RNF157: variants seen among roughly 807,000 people sequenced by gnomAD.
The protein encoded by RNF157 is ring finger protein 157, also known as E3 ubiquitin ligase RNF157.
In RNF157, 55 loss-of-function variants were observed where a neutral mutation model predicts 88.3. The ratio of observed to expected loss-of-function variants is 0.62; its 90% CI spans 0.50 to 0.78. RNF157 has a LOEUF of 0.78. RNF157 is among the 30% of genes least tolerant of loss of function. The probability of loss-of-function intolerance (pLI) is 0.00; values close to 1 mark genes in which losing one functional copy is unlikely to be tolerated. For missense variants in RNF157, 788 were observed against 860.8 expected, an observed-to-expected ratio of 0.92 and a Z score of 1.06; for synonymous variants, 334 against 341.2, an observed-to-expected ratio of 0.98 and a Z score of 0.23.
chr17:76,145,571 T>C, intron 18 of RNF157: 1 of 478,936 alleles, frequency 2.1e-6, no homozygotes, highest in Non-Finnish European at 3.7e-6. Context: ...CTAGGTACAG[T>C]CACTGCCACT....
intron 1 of RNF157, among the ~76,000 whole-genome samples, chr17:76,216,885 T>C (rs188022695): frequency 4.0e-5 from 6 of 151,126 alleles, no homozygotes; most frequent in African/African-American, 7.3e-5. Flanking sequence ...AGCAAGACCC[T>C]GTGTCAAAAA....
chr17:76,202,128 T>TCTCTCTCTCACACA (rs1250661867), intron 2 of RNF157, among the ~76,000 whole-genome samples: 283 of 134,652 alleles, frequency 2.1e-3, no homozygotes, highest in African/African-American at 8.1e-3. Context: ...TCTCTCTCTC[T>TCTCTCTCTCACACA]CACACACACA....
chr17:76,158,641 G>A (rs143525474), intron 12 of RNF157, 140 bp from the exon 13 acceptor site: 3 of 625,974 alleles, frequency 4.8e-6, no homozygotes, highest in Admixed American at 4.5e-5. Flanking sequence ...TGTTTCCCAG[G>A]CTGGGCTGGG....
rs762543408 is a variant in RNF157 at position 76,155,704 on chromosome 17, A to G, written c.1556T>C (p.Val519Ala). 1.1e-5 allele frequency: 18 copies of G among 1,601,244 alleles called. No homozygotes were observed. The highest frequency in any genetic ancestry group is 1.4e-5 in the Non-Finnish European group (17 of 1,174,082). Residue 519 changes from valine (V) to alanine (A), a missense_variant, in exon 15 of 19, where the codon GTC (valine) becomes GCC (alanine). Coordinates refer to ENST00000269391, the MANE Select transcript of RNF157 (RefSeq NM_052916.3). ...GPASSSLAQS[V>A]MSMASSQIST... ...GATCTGGGAGGATGCCATGGACATG[A>G]CAGACTGGGCCAAGCTGCTGCTGGC...
At chr17:76,162,074 C>A in intron 9 of RNF157, 72 bp from the exon 10 acceptor site, 4 of 1,491,092 alleles carry the variant, frequency 2.7e-6, no homozygotes, top group Non-Finnish European at 2.8e-6. Context: ...GACAAGGCAG[C>A]GTGGCTGAAG....
At chr17:76,166,608 A>C in intron 5 of RNF157, 81 bp from the exon 6 acceptor site, 1 of 1,142,734 alleles carries the variant, frequency 8.8e-7, no homozygotes, top group Non-Finnish European at 1.3e-6. Context: ...AAAGGGCGAT[A>C]CTGTCAAGAA....
intron 2 of RNF157, among the ~76,000 whole-genome samples, chr17:76,177,294 G>A (rs1255757510): frequency 6.6e-6 from 1 of 151,798 alleles, no homozygotes; most frequent in East Asian, 2.0e-4. Flanking sequence ...TTGGAGACAC[G>A]GAAAAGCCCT....
intron 2 of RNF157, among the ~76,000 whole-genome samples, chr17:76,210,758 T>C (rs1370541276): frequency 6.6e-6 from 1 of 152,120 alleles, no homozygotes; most frequent in African/African-American, 2.4e-5. Context: ...TTCCTCACGG[T>C]CTACAGGAGA....
chr17:76,187,269 C>T (rs1269448747), intron 2 of RNF157, among the ~76,000 whole-genome samples: 1 of 151,752 alleles, frequency 6.6e-6, no homozygotes, highest in Non-Finnish European at 1.5e-5. Context: ...CCACAACCTC[C>T]GCCTCCCAGG....
At chr17:76,215,709 A>C (rs2069877707) in intron 1 of RNF157, among the ~76,000 whole-genome samples, 1 of 152,188 alleles carries the variant, frequency 6.6e-6, no homozygotes, top group Admixed American at 6.5e-5. Context: ...AATGTGGATA[A>C]AATCACTCAC....
intron 1 of RNF157, chr17:76,225,909 T>A (rs1414293590): frequency 9.3e-6 from 15 of 1,613,416 alleles, no homozygotes; most frequent in Non-Finnish European, 1.3e-5. Context: ...TGCTCCGCCC[T>A]CTTCTTCTGG....
chr17:76,150,600 C>T (rs1295251134), intron 18 of RNF157, among the ~76,000 whole-genome samples: 5 of 151,356 alleles, frequency 3.3e-5, no homozygotes, highest in Non-Finnish European at 7.4e-5. Flanking sequence ...AGAGCTGCCT[C>T]AGACACAGGG....
chr17:76,178,503 T>C lies in RNF157; in HGVS notation c.208-4713A>G, dbSNP rs114929166. Among the ~76,000 whole-genome samples, 999 of 152,336 alleles carry C rather than the reference T, an allele frequency of 6.6e-3. 7 individuals carry two copies. The highest frequency in any genetic ancestry group is 0.023 in the African/African-American group (936 of 41,572). On this transcript the variant is annotated intron_variant, in intron 2 of 18. Transcript: ENST00000269391. ...CAGTCTCCCTTGGAGGCGTGGGATA[T>C]AGGCTGGTAGTGTGAGCTGAGTGCA... is the stretch of plus-strand genomic sequence containing the variant.
chr17:76,230,551 G>A (rs1484545339), intron 1 of RNF157, among the ~76,000 whole-genome samples: 2 of 150,212 alleles, frequency 1.3e-5, no homozygotes, highest in East Asian at 1.9e-4. Flanking sequence ...CTTAAAAGGA[G>A]ATACTGAGCC....
chr17:76,159,455 G>A lies in RNF157; in HGVS notation c.1184C>T (p.Ser395Leu). Residue 395 changes from serine to leucine, a missense_variant, in exon 12 of 19, where the codon TCA (serine) becomes TTA (leucine). Coordinates refer to ENST00000269391, the MANE Select transcript of RNF157 (RefSeq NM_052916.3). ...PLHVLGDGHL[S>L]GMLPSYGSDG... ...ACTGCCATATGAAGGGAGCATTCCT[G>A]AGAGGTGGCCATCTCCAAGCACGTG... 1.2e-6 allele frequency: 2 copies of A among 1,612,238 alleles called. No individual in the cohort carries two copies. The highest frequency in any genetic ancestry group is 1.1e-5 in the South Asian group (1 of 90,442).
intron 1 of RNF157, chr17:76,225,631 T>G (rs1012037646): frequency 1.1e-6 from 1 of 873,510 alleles, no homozygotes; most frequent in Non-Finnish European, 1.7e-6. Context: ...TGGCATGACC[T>G]CATTGTTTTT....
At chr17:76,196,294 C>T (rs958504301) in intron 2 of RNF157, among the ~76,000 whole-genome samples, 2 of 152,222 alleles carry the variant, frequency 1.3e-5, no homozygotes, top group Non-Finnish European at 2.9e-5. Flanking sequence ...AAATTGAACA[C>T]AGTTCCACTT....
chr17:76,230,459 G>A lies in RNF157; in HGVS notation c.88+9694C>T, dbSNP rs2070167799. Among the ~76,000 whole-genome samples the A allele has an allele frequency of 3.3e-5, 5 of 152,242 alleles. 1 individual carries two copies. The South Asian group carries it at 8.3e-4, about 25-fold the overall frequency. On this transcript the variant is annotated intron_variant, in intron 1 of 18. Transcript: ENST00000269391. Reference sequence around the variant, plus strand: ...GAGTCAAGACCTTAGCCTTTTCCAAGTTCAATTACAATGGGTTATCTTCTA... The same window carrying A: ...GAGTCAAGACCTTAGCCTTTTCCAAATTCAATTACAATGGGTTATCTTCTA...
Position 76,155,344 on chromosome 17 carries a change from C to T in RNF157, c.1699-27G>A, listed in dbSNP as rs1170095488. 5 of 1,610,798 alleles carry T rather than the reference C, an allele frequency of 3.1e-6. No individual in the cohort carries two copies. In the Admixed American group the frequency reaches 6.7e-5, roughly 22 times the overall value. On this transcript the variant is annotated intron_variant, in intron 15 of 18. Transcript: ENST00000269391. ...TGCAGAAGAGCACAGTTTTTACAGG[C>T]TCTTCCATAAAGGTCTCGTGACAGC...
Sources: gnomAD v4.1 joint callset for allele counts (sites outside exome capture counted in the v4.1 genomes callset) on GRCh38, gnomAD v4.1.1 for gene constraint, MANE v1.5 for transcripts, NCBI Gene and HGNC (gene_info 2026-07-23, HGNC 2026-07-21) for gene names.